Variants in NCKAP5L observed in about 807,000 individuals in gnomAD.
NCKAP5L encodes nck-associated protein 5-like.
Under a neutral mutation model 103.2 loss-of-function variants are expected in NCKAP5L, and 54 were observed. The ratio of observed to expected loss-of-function variants is 0.52; its 90% CI spans 0.42 to 0.66. The LOEUF (loss-of-function observed/expected upper bound fraction) is 0.66. NCKAP5L is among the 30% of genes least tolerant of loss of function. NCKAP5L has a pLI of 0.00. For synonymous variants in NCKAP5L, 762 were observed against 748.6 expected, an observed-to-expected ratio of 1.02 and a Z score of -0.29; for missense variants, 1,733 against 1,750.6, an observed-to-expected ratio of 0.99 and a Z score of 0.18.
chr12:49,797,754 G>A lies in NCKAP5L; in HGVS notation c.466-360C>T, dbSNP rs564672586. On this transcript the variant is annotated intron_variant, in intron 7 of 12. Coordinates refer to ENST00000335999, the MANE Select transcript of NCKAP5L (RefSeq NM_001037806.4). The surrounding 1 kb of genome is among the most constrained non-coding windows in gnomAD (Gnocchi z 4.5). Reference sequence around the variant, plus strand: ...GGGGAGGGAGGCCTGTCCATTTCTCGGGCCCAGAAAGAACACACAGACTCC... The same window carrying A: ...GGGGAGGGAGGCCTGTCCATTTCTCAGGCCCAGAAAGAACACACAGACTCC... Among the ~76,000 whole-genome samples the A allele has an allele frequency of 2.0e-5, 3 of 152,090 alleles. No homozygotes were observed. Among genetic ancestry groups the A allele is most frequent in the South Asian group, 2.1e-4 (1 of 4,826 alleles).
intron 1 of NCKAP5L, among the ~76,000 whole-genome samples, chr12:49,820,880 C>T (rs1010709524): frequency 6.6e-6 from 1 of 152,188 alleles, no homozygotes; most frequent in Non-Finnish European, 1.5e-5. Context: ...AGCCAAACCG[C>T]GTGACCCTAG....
intron 1 of NCKAP5L, among the ~76,000 whole-genome samples, chr12:49,811,486 T>A (rs1946239563): frequency 1.3e-5 from 2 of 151,886 alleles, no homozygotes; most frequent in Admixed American, 1.3e-4. Flanking sequence ...TTACAGCAGA[T>A]GAGTTGCCTG....
At chr12:49,824,816 C>A (rs1455063305) in intron 1 of NCKAP5L, among the ~76,000 whole-genome samples, 2 of 152,190 alleles carry the variant, frequency 1.3e-5, no homozygotes, top group Non-Finnish European at 2.9e-5. Context: ...AGGTCAGTGT[C>A]TGGGGGAAAA....
At chr12:49,815,456 C>CAA (rs757039498) in intron 1 of NCKAP5L, among the ~76,000 whole-genome samples, 97 of 152,206 alleles carry the variant, frequency 6.4e-4, no homozygotes, top group Non-Finnish European at 1.2e-3. Flanking sequence ...TTTCATTGCT[C>CAA]AAATTCCAGC....
Position 49,798,345 on chromosome 12 carries a change from C to T in NCKAP5L, c.465+5G>A. 1 of 1,554,078 alleles carries T rather than the reference C, an allele frequency of 6.4e-7. No individual in the cohort carries two copies. On this transcript the variant is annotated splice_donor_5th_base_variant and intron_variant, in intron 7 of 12. Transcript: ENST00000335999. ...AGTACTGACCACAATACCTAGCCCT[C>T]CTACCTCTCTCTGCCCAGCACAGTG...
chr12:49,814,312 G>A (rs1285210004), intron 1 of NCKAP5L, among the ~76,000 whole-genome samples: 9 of 150,500 alleles, frequency 6.0e-5, no homozygotes, highest in African/African-American at 1.9e-4. Flanking sequence ...GTGAAAGCCC[G>A]TCTCTACTAA....
intron 1 of NCKAP5L, among the ~76,000 whole-genome samples, chr12:49,819,590 G>A (rs1045769123): frequency 6.6e-6 from 1 of 152,136 alleles, no homozygotes; most frequent in Non-Finnish European, 1.5e-5. Context: ...CAAATACCAC[G>A]TGATCTCATA....
chr12:49,818,773 C>T (rs528538389), intron 1 of NCKAP5L, among the ~76,000 whole-genome samples: 1 of 152,178 alleles, frequency 6.6e-6, no homozygotes, highest in Admixed American at 6.5e-5. Context: ...TTACCTCATA[C>T]ATTTAGAATA....
intron 6 of NCKAP5L, among the ~76,000 whole-genome samples, chr12:49,801,052 G>A (rs1946112553): frequency 6.6e-6 from 1 of 152,340 alleles, no homozygotes; most frequent in South Asian, 2.1e-4. Flanking sequence ...GTGACAAGGG[G>A]CCGCCTCTGC....
chr12:49,806,558 TCTC>T (rs1337799173), intron 1 of NCKAP5L, among the ~76,000 whole-genome samples: 2 of 152,140 alleles, frequency 1.3e-5, no homozygotes, highest in African/African-American at 4.8e-5. Flanking sequence ...CCCATCCAGT[TCTC>T]CTAACAACCC....
intron 1 of NCKAP5L, among the ~76,000 whole-genome samples, chr12:49,818,941 A>C (rs535885461): frequency 6.6e-6 from 1 of 151,950 alleles, no homozygotes; most frequent in East Asian, 1.9e-4. Context: ...TCACACCTAT[A>C]ATCTTAACAC....
intron 5 of NCKAP5L, 149 bp from the exon 6 acceptor site, chr12:49,802,116 T>C: frequency 1.2e-6 from 1 of 867,506 alleles, no homozygotes; most frequent in South Asian, 1.8e-5. Flanking sequence ...CTATGAGGAA[T>C]CTAAGCCTGC....
intron 1 of NCKAP5L, among the ~76,000 whole-genome samples, chr12:49,813,226 T>C (rs191411881): frequency 1.1e-3 from 160 of 152,290 alleles, no homozygotes; most frequent in African/African-American, 3.3e-3. Flanking sequence ...AACTGTCAGA[T>C]TGTTGTCCAG....
chr12:49,823,779 G>A (rs1018834577), intron 1 of NCKAP5L, among the ~76,000 whole-genome samples: 4 of 152,160 alleles, frequency 2.6e-5, no homozygotes, highest in African/African-American at 9.7e-5. Flanking sequence ...AGTAATAACA[G>A]CAACAATAAT....
At position 49,792,893 on chromosome 12, in the gene NCKAP5L, G is replaced by C; in HGVS notation, c.3434C>G (p.Pro1145Arg). 9 of 1,549,250 alleles carry C rather than the reference G, an allele frequency of 5.8e-6. No individual in the cohort carries two copies. Among genetic ancestry groups the C allele is most frequent in the Non-Finnish European group, 7.8e-6 (9 of 1,154,420 alleles). The change falls in exon 11 of 13, where the codon CCT becomes CGT. Residue 1145 changes from proline (P) to arginine (R), a missense_variant. Coordinates refer to ENST00000335999, the MANE Select transcript of NCKAP5L (RefSeq NM_001037806.4). The surrounding 1 kb of genome is among the most constrained non-coding windows in gnomAD (Gnocchi z 4.5). Reference sequence around the variant, plus strand: ...ATCCAGCCGCGGTGGCTTGGTCTTAGGAAGATTCTTGCTGGGGGTCCCACT... The same window carrying C: ...ATCCAGCCGCGGTGGCTTGGTCTTACGAAGATTCTTGCTGGGGGTCCCACT... ...GSSGTPSKNL[P>R]KTKPPRLDPP...
intron 1 of NCKAP5L, among the ~76,000 whole-genome samples, chr12:49,809,597 C>T (rs1327436128): frequency 6.6e-6 from 1 of 152,196 alleles, no homozygotes; most frequent in Non-Finnish European, 1.5e-5. Flanking sequence ...TGGAATCCCT[C>T]TTACCCTCCC....
rs1372605400 is a variant in NCKAP5L, at chr12:49,801,885, T to C, written c.314A>G (p.Gln105Arg). ...RQNQMLSALF[Q>R]QKLQLTTGSL... The stretch of plus-strand genomic sequence containing the variant: ...GCCTGTCGTGAGCTGGAGTTTCTGC[T>C]GAAACAGGGCACTCAGCATCTGGTT... Residue 105 changes from glutamine to arginine, a missense_variant, in exon 6 of 13, where the codon CAG becomes CGG. Coordinates refer to ENST00000335999, the MANE Select transcript of NCKAP5L (RefSeq NM_001037806.4). 6.2e-7 allele frequency: 1 copy of C among 1,613,988 alleles called. No individual in the cohort carries two copies. The highest frequency in any genetic ancestry group is 2.2e-5 in the East Asian group (1 of 44,884).
intron 1 of NCKAP5L, among the ~76,000 whole-genome samples, chr12:49,827,470 G>A (rs1009158567): frequency 6.6e-6 from 1 of 152,362 alleles, no homozygotes; most frequent in Admixed American, 6.5e-5. Context: ...CCTTGGGGCC[G>A]TGCCAGGACT....
intron 1 of NCKAP5L, among the ~76,000 whole-genome samples, chr12:49,824,387 A>G (rs891477876): frequency 2.0e-5 from 3 of 152,258 alleles, no homozygotes; most frequent in Non-Finnish European, 4.4e-5. Context: ...AGAAGAGTCA[A>G]GAAATGGGGA....
Sources: allele counts gnomAD v4.1 joint callset (sites outside exome capture counted in the v4.1 genomes callset), GRCh38; gene constraint gnomAD v4.1.1; non-coding constraint Gnocchi (gnomAD v3.1); transcripts MANE v1.5; gene names NCBI Gene and HGNC (gene_info 2026-07-23, HGNC 2026-07-21).